The following TACC3 variants were observed in gnomAD, a reference collection of about 807,000 sequenced individuals.
The protein encoded by TACC3 is transforming acidic coiled-coil-containing protein 3.
Under a neutral mutation model 86.0 loss-of-function variants are expected in TACC3, and 52 were observed. The ratio of observed to expected loss-of-function variants is 0.60; its 90% CI spans 0.48 to 0.76. The LOEUF (loss-of-function observed/expected upper bound fraction) is 0.76, where lower values mean the gene tolerates loss of function less well. Ranked by LOEUF, TACC3 falls within the 30% of genes least tolerant of loss-of-function variation. The probability of loss-of-function intolerance (pLI) is 0.00; values close to 1 mark genes in which losing one functional copy is unlikely to be tolerated. For missense variants in TACC3, 1,120 were observed against 1,070.4 expected (o/e 1.05, Z -0.65); for synonymous variants, 512 against 430.0 (o/e 1.19, Z -2.36).
intron 6 of TACC3, among the ~76,000 whole-genome samples, chr4:1,731,780 A>G (rs1718019583): frequency 6.6e-6 from 1 of 152,194 alleles, no homozygotes; most frequent in South Asian, 2.1e-4. Context: ...GATTACAAGC[A>G]TGTACCACCA....
chr4:1,729,293 GT>G (rs990469982), intron 4 of TACC3, among the ~76,000 whole-genome samples: 1 of 152,094 alleles, frequency 6.6e-6, no homozygotes, highest in Non-Finnish European at 1.5e-5. Context: ...GGGTCTGTGG[GT>G]TTTTTCTCCT....
intron 13 of TACC3, chr4:1,741,293 G>C (rs941970145): frequency 8.6e-6 from 2 of 231,928 alleles, no homozygotes; most frequent in African/African-American, 2.3e-5. Flanking sequence ...TGGTGCACCG[G>C]GGCCTGGGGC....
chr4:1,720,925 C>A (rs996775102), upstream of TACC3: 84 of 1,158,030 alleles, frequency 7.3e-5, no homozygotes, highest in African/African-American at 1.3e-3. The surrounding 1 kb of genome is among the most constrained non-coding windows in gnomAD (Gnocchi z 4.4). Context: ...CTGTCGGTTG[C>A]GGCGGCCGCC....
In TACC3 at chr4:1,740,818, T is replaced by C. The variant is rs775587733; in HGVS notation, c.2063-8T>C. 15 of 1,602,742 alleles carry C rather than the reference T, an allele frequency of 9.4e-6. No individual in the cohort carries two copies. In the Admixed American group the frequency reaches 2.6e-4, roughly 28 times the overall value. On this transcript the variant is annotated splice_polypyrimidine_tract_variant and splice_region_variant and intron_variant, in intron 12 of 15. Transcript: ENST00000313288. Reference sequence around the variant, plus strand: ...CTCATCCTGAACGTTTGCTTTTCTTTTCTCAAGAGGAAGTTCAGAAGCAGA... The same window carrying C: ...CTCATCCTGAACGTTTGCTTTTCTTCTCTCAAGAGGAAGTTCAGAAGCAGA...
chr4:1,741,000 A>C lies in TACC3; in HGVS notation c.2223+14A>C, dbSNP rs780338531. ...GGCTACCGCAAGGTATGTCTCCGCC[A>C]CCCTGGTGTCCTCACCTCGGAGGCT... On this transcript the variant is annotated intron_variant, in intron 13 of 15. Coordinates refer to ENST00000313288, the MANE Select transcript of TACC3 (RefSeq NM_006342.3). The C allele has an allele frequency of 6.9e-6, 11 of 1,594,566 alleles. No individual in the cohort carries two copies. The highest frequency in any genetic ancestry group is 2.7e-5 in the African/African-American group (2 of 73,646).
intron 13 of TACC3, chr4:1,742,109 A>T (rs1264902172): frequency 6.6e-6 from 1 of 152,166 alleles, no homozygotes; most frequent in Non-Finnish European, 1.5e-5. Context: ...AAATTAAAAA[A>T]CAAAAACAAA....
rs199937898 is a variant in TACC3 at position 1,728,259 on chromosome 4, A to G, written c.857A>G (p.Asp286Gly). Reference sequence around the variant, plus strand: ...GGTGTGGGCACCCCCGTGCCAGCAGATGGCACTCAGACCCTTACCTGTGCA... The same window carrying G: ...GGTGTGGGCACCCCCGTGCCAGCAGGTGGCACTCAGACCCTTACCTGTGCA... ...PAGVGTPVPA[D>G]GTQTLTCAHT... Residue 286 changes from aspartate (D) to glycine (G), a missense_variant, in exon 4 of 16, where the codon GAT becomes GGT. Asp to Gly is a moderately conservative substitution (Grantham distance 94). Transcript: ENST00000313288. 138 of 1,612,540 alleles carry G rather than the reference A, an allele frequency of 8.6e-5. No individual in the cohort carries two copies. Among genetic ancestry groups the G allele is most frequent in the Non-Finnish European group, 1.1e-4 (125 of 1,179,974 alleles).
chr4:1,738,674 G>T (rs1315839145), intron 10 of TACC3, among the ~76,000 whole-genome samples: 1 of 152,248 alleles, frequency 6.6e-6, no homozygotes, highest in African/African-American at 2.4e-5. Flanking sequence ...ACCTGAACAA[G>T]GGAGGGGAAG....
chr4:1,742,915 C>T (rs902876495), intron 13 of TACC3, among the ~76,000 whole-genome samples: 6 of 152,066 alleles, frequency 3.9e-5, no homozygotes, highest in Non-Finnish European at 5.9e-5. Flanking sequence ...TGCAGTGAGC[C>T]GATATGGCAC....
chr4:1,728,406 C>G lies in TACC3; in HGVS notation c.1004C>G (p.Pro335Arg). Reference sequence around the variant, plus strand: ...ATGGCCAGCTCCTCGAGGAGCGGACCTGTAAAACTAGAATTTGATGTATCT... The same window carrying G: ...ATGGCCAGCTCCTCGAGGAGCGGACGTGTAAAACTAGAATTTGATGTATCT... ...GQMASSSRSG[P>R]VKLEFDVSDG... The change falls in exon 4 of 16, where the codon CCT (proline) becomes CGT (arginine). Residue 335 changes from proline (P) to arginine (R), a missense_variant. Pro to Arg is a moderately radical substitution (Grantham distance 103). Transcript: ENST00000313288. The G allele has an allele frequency of 6.2e-7, 1 of 1,613,338 alleles. No homozygotes were observed. The highest frequency in any genetic ancestry group is 8.5e-7 in the Non-Finnish European group (1 of 1,180,018).
At chr4:1,731,143 G>A in intron 5 of TACC3, 29 bp from the exon 6 acceptor site, 6 of 1,612,566 alleles carry the variant, frequency 3.7e-6, no homozygotes, top group Non-Finnish European at 5.1e-6. Context: ...TGACTGCACT[G>A]CACAGGGTGA....
chr4:1,734,413 C>T (rs1343503287), intron 6 of TACC3, among the ~76,000 whole-genome samples: 3 of 152,192 alleles, frequency 2.0e-5, no homozygotes, highest in Admixed American at 1.3e-4. Flanking sequence ...GCCTCAAACT[C>T]CTGACCTCAG....
chr4:1,744,769 C>G lies in TACC3; in HGVS notation c.2388C>G (p.Leu796=). ...AGGCCCAGGCGGAAGCGTTGGCCCT[C>G]CAGGCCAGCCTGAGGAAGGAGCAGA... is the stretch of plus-strand genomic sequence containing the variant. ...RSKAQAEALA[L]QASLRKEQMR... is the part of the protein sequence containing the mutation. The change falls in exon 15 of 16, where the codon CTC becomes CTG. Residue 796 remains leucine, a synonymous_variant. Coordinates refer to ENST00000313288, the MANE Select transcript of TACC3 (RefSeq NM_006342.3). The G allele has an allele frequency of 6.2e-7, 1 of 1,612,792 alleles. No individual in the cohort carries two copies. The highest frequency in any genetic ancestry group is 8.5e-7 in the Non-Finnish European group (1 of 1,180,010).
At chr4:1,741,783 C>T (rs1472216361) in intron 13 of TACC3, 1 of 152,358 alleles carries the variant, frequency 6.6e-6, no homozygotes, top group Non-Finnish European at 1.5e-5. Flanking sequence ...AGGTGGGTGT[C>T]AGTGGCTGGG....
chr4:1,727,399 G>A (rs1489018190), intron 3 of TACC3, among the ~76,000 whole-genome samples: 2 of 152,208 alleles, frequency 1.3e-5, no homozygotes, highest in Admixed American at 6.5e-5. Flanking sequence ...CGCGTGATGA[G>A]CACAATTAAA....
Position 1,728,299 on chromosome 4 carries a change from T to C in TACC3, c.897T>C (p.Pro299=), listed in dbSNP as rs780457830. The C allele has an allele frequency of 6.2e-7, 1 of 1,612,858 alleles. No homozygotes were observed. The highest frequency in any genetic ancestry group is 1.1e-5 in the South Asian group (1 of 91,084). ...TTACCTGTGCACACACCTCTGCTCC[T>C]GAGAGCACAGCCCCAACCAACCACC... The part of the protein sequence containing the change: ...QTLTCAHTSA[P]ESTAPTNHLV... The change falls in exon 4 of 16, where the codon CCT becomes CCC. Residue 299 remains proline (P), a synonymous_variant. Transcript: ENST00000313288.
In TACC3 at chr4:1,727,993, C is replaced by G; in HGVS notation, c.591C>G (p.Pro197=). The G allele has an allele frequency of 6.2e-7, 1 of 1,613,370 alleles. No homozygotes were observed. Among genetic ancestry groups the G allele is most frequent in the Admixed American group, 1.7e-5 (1 of 60,032 alleles). ...ATTCCTTAGACAGAAGAGTGACACC[C>G]GCCTCTGAGACCCTAGAAGACCCTT... The part of the protein sequence containing the change: ...SSYSLDRRVT[P]ASETLEDPCR... The change falls in exon 4 of 16, where the codon CCC becomes CCG. Residue 197 remains proline (P), a synonymous_variant. Transcript: ENST00000313288.
intron 3 of TACC3, among the ~76,000 whole-genome samples, chr4:1,724,744 G>A (rs1484476979): frequency 6.6e-6 from 1 of 151,124 alleles, no homozygotes; most frequent in Non-Finnish European, 1.5e-5. Flanking sequence ...TTTTCTGTTG[G>A]TTTTTTGCTG....
chr4:1,740,421 T>C (rs1367725706), intron 12 of TACC3: 3 of 347,296 alleles, frequency 8.6e-6, no homozygotes, highest in East Asian at 1.2e-4. Context: ...GAGGTGCTAC[T>C]GTGGGGATCT....
Sources: gnomAD v4.1 joint callset for allele counts (sites outside exome capture counted in the v4.1 genomes callset) on GRCh38, gnomAD v4.1.1 for gene constraint, Gnocchi (gnomAD v3.1) non-coding constraint, MANE v1.5 for transcripts, NCBI Gene and HGNC (gene_info 2026-07-23, HGNC 2026-07-21) for gene names.